SLC35F1: variants seen among roughly 807,000 people sequenced by gnomAD.
SLC35F1 encodes the protein solute carrier family 35 member F1, also known as chromosome 6 open reading frame 169.
In SLC35F1, 14 loss-of-function variants were observed where a neutral mutation model predicts 48.7. The observed-to-expected ratio is 0.29, with a 90% confidence interval of 0.19 to 0.45. SLC35F1 has a LOEUF of 0.45. Among genes scored for constraint, SLC35F1 ranks in the 20% least tolerant of loss-of-function variants. SLC35F1 has a pLI of 1.00. For synonymous variants in SLC35F1, 190 were observed against 202.2 expected (o/e 0.94, Z 0.51); for missense variants, 404 against 500.0 (o/e 0.81, Z 1.83).
intron 2 of SLC35F1, among the ~76,000 whole-genome samples, chr6:118,173,088 C>A (rs1025779154): frequency 6.6e-6 from 1 of 152,010 alleles, no homozygotes; most frequent in Admixed American, 6.6e-5. Flanking sequence ...CACAAGCATC[C>A]CATAGGTCAT....
intron 1 of SLC35F1, among the ~76,000 whole-genome samples, chr6:118,105,690 C>T (rs1197453214): frequency 6.6e-6 from 1 of 152,176 alleles, no homozygotes; most frequent in Non-Finnish European, 1.5e-5. Flanking sequence ...ATTTTCATCA[C>T]ACTCTTCAGA....
At chr6:117,923,925 T>C (rs572702311) in intron 1 of SLC35F1, among the ~76,000 whole-genome samples, 1 of 150,144 alleles carries the variant, frequency 6.7e-6, no homozygotes, top group Non-Finnish European at 1.5e-5. Context: ...TATATACATA[T>C]GTGTTATGTA....
chr6:118,264,585 T>C (rs1474849054), intron 3 of SLC35F1, among the ~76,000 whole-genome samples: 2 of 152,188 alleles, frequency 1.3e-5, no homozygotes, highest in Non-Finnish European at 2.9e-5. Context: ...ACTGAGAACC[T>C]AAAAGCTCAC....
intron 1 of SLC35F1, among the ~76,000 whole-genome samples, chr6:118,029,785 A>G (rs531666981): frequency 6.6e-6 from 1 of 151,962 alleles, no homozygotes; most frequent in Admixed American, 6.6e-5. Context: ...AAAAGTATGA[A>G]TTTTTTTTTC....
At chr6:117,922,622 G>A (rs1775914235) in intron 1 of SLC35F1, among the ~76,000 whole-genome samples, 1 of 152,148 alleles carries the variant, frequency 6.6e-6, no homozygotes, top group Admixed American at 6.5e-5. Flanking sequence ...TTCCCTTTAA[G>A]AGCTGAAATC....
chr6:117,998,891 C>G, intron 1 of SLC35F1: 5 of 688,490 alleles, frequency 7.3e-6, no homozygotes, highest in Non-Finnish European at 1.3e-5. Context: ...CAAACACATT[C>G]AAAAGCTAGC....
intron 1 of SLC35F1, 34 bp downstream of exon 1, chr6:117,907,933 C>T (rs542466073): frequency 8.0e-5 from 104 of 1,297,276 alleles, no homozygotes; most frequent in Middle Eastern, 5.9e-4. Flanking sequence ...GCGCGGGGGG[C>T]GGGGGCTGCG....
intron 1 of SLC35F1, among the ~76,000 whole-genome samples, chr6:118,001,565 A>G (rs1777095188): frequency 6.6e-6 from 1 of 152,170 alleles, no homozygotes; most frequent in African/African-American, 2.4e-5. Context: ...CTAAAACACC[A>G]AAAGCAATGG....
intron 1 of SLC35F1, among the ~76,000 whole-genome samples, chr6:118,012,640 T>G (rs1429063059): frequency 1.3e-5 from 2 of 152,216 alleles, no homozygotes; most frequent in African/African-American, 2.4e-5. Context: ...TTATTTGCTT[T>G]CTGTAATTCA....
At chr6:118,267,830 G>A (rs1370206188) in intron 4 of SLC35F1, among the ~76,000 whole-genome samples, 1 of 152,134 alleles carries the variant, frequency 6.6e-6, no homozygotes, top group Non-Finnish European at 1.5e-5. Flanking sequence ...ATCTGCTGGG[G>A]GAGCCCTGAG....
intron 1 of SLC35F1, among the ~76,000 whole-genome samples, chr6:118,011,535 A>G (rs1048264663): frequency 1.8e-4 from 27 of 152,180 alleles, no homozygotes; most frequent in Middle Eastern, 3.2e-3. Context: ...CTTGGGGATT[A>G]CAATTCAATG....
At chr6:118,020,255 C>T (rs1018269723) in intron 1 of SLC35F1, among the ~76,000 whole-genome samples, 4 of 152,222 alleles carry the variant, frequency 2.6e-5, no homozygotes, top group Non-Finnish European at 5.9e-5. Context: ...TTTAAACTAG[C>T]CTAATGAGTC....
chr6:118,251,647 T>C (rs192892118), intron 3 of SLC35F1, among the ~76,000 whole-genome samples: 7 of 152,154 alleles, frequency 4.6e-5, no homozygotes, highest in Admixed American at 6.6e-5. Context: ...TCTGATCTTT[T>C]TTCAGATCAG....
intron 7 of SLC35F1, among the ~76,000 whole-genome samples, chr6:118,307,691 G>C (rs1358996140): frequency 2.0e-5 from 3 of 152,164 alleles, no homozygotes; most frequent in Non-Finnish European, 4.4e-5. Context: ...GCATCAACTT[G>C]TTTGTGTTCG....
intron 1 of SLC35F1, among the ~76,000 whole-genome samples, chr6:118,113,235 T>G (rs774852805): frequency 2.0e-5 from 3 of 152,130 alleles, no homozygotes; most frequent in African/African-American, 4.8e-5. Context: ...TGCAAGTGTG[T>G]GCCACCACAC....
chr6:118,103,586 G>A (rs1222696848), intron 1 of SLC35F1, among the ~76,000 whole-genome samples: 1 of 152,242 alleles, frequency 6.6e-6, no homozygotes, highest in African/African-American at 2.4e-5. Context: ...CACTGCCACA[G>A]AAATGGTAGG....
chr6:118,263,034 C>T (rs1454771175), intron 3 of SLC35F1, among the ~76,000 whole-genome samples: 1 of 152,032 alleles, frequency 6.6e-6, no homozygotes, highest in African/African-American at 2.4e-5. Context: ...GCCTCCATGT[C>T]TCTATCTTTT....
intron 7 of SLC35F1, among the ~76,000 whole-genome samples, chr6:118,304,375 A>G (rs899974924): frequency 8.5e-6 from 1 of 117,970 alleles, no homozygotes; most frequent in African/African-American, 3.4e-5. Flanking sequence ...TCTTAAAAAA[A>G]AAAAAAAGAA....
At chr6:118,296,182 C>G (rs942874236) in intron 7 of SLC35F1, among the ~76,000 whole-genome samples, 1 of 152,188 alleles carries the variant, frequency 6.6e-6, no homozygotes, top group Non-Finnish European at 1.5e-5. Context: ...CACATATTAT[C>G]CATGGCTGCT....
Sources: allele counts gnomAD v4.1 joint callset (sites outside exome capture counted in the v4.1 genomes callset), GRCh38; gene constraint gnomAD v4.1.1; transcripts MANE v1.5; gene names NCBI Gene and HGNC (gene_info 2026-07-23, HGNC 2026-07-21).